The following CDKAL1 variants were observed in gnomAD, a reference collection of about 807,000 sequenced individuals.
The protein encoded by CDKAL1 is CDKAL1 threonylcarbamoyladenosine tRNA methylthiotransferase, also known as threonylcarbamoyladenosine tRNA methylthiotransferase.
CDKAL1 carries 32 observed loss-of-function variants against 68.2 expected under a neutral mutation model. The ratio of observed to expected loss-of-function variants is 0.47; its 90% CI spans 0.35 to 0.63. The LOEUF (loss-of-function observed/expected upper bound fraction) is 0.63, where lower values mean the gene tolerates loss of function less well. Ranked by LOEUF, CDKAL1 falls within the 30% of genes least tolerant of loss-of-function variation. The pLI is 0.00. For missense variants in CDKAL1, 606 were observed against 696.7 expected, an observed-to-expected ratio of 0.87 and a Z score of 1.47; for synonymous variants, 234 against 244.3, an observed-to-expected ratio of 0.96 and a Z score of 0.39.
chr6:20,537,849 A>G (rs1292094684), intron 2 of CDKAL1, among the ~76,000 whole-genome samples: 17 of 150,480 alleles, frequency 1.1e-4, no homozygotes, highest in Admixed American at 4.7e-4. Flanking sequence ...TCATTTCCAT[A>G]TGATTTAATT....
intron 7 of CDKAL1, among the ~76,000 whole-genome samples, chr6:20,765,145 C>CTTTTT (rs573930548): frequency 1.0e-4 from 3 of 28,890 alleles, no homozygotes; most frequent in African/African-American, 3.2e-4. Context: ...TGGTTACATT[C>CTTTTT]TTTTTTTTTT....
intron 12 of CDKAL1, among the ~76,000 whole-genome samples, chr6:21,070,169 G>A (rs975534483): frequency 6.6e-6 from 1 of 152,084 alleles, no homozygotes; most frequent in African/African-American, 2.4e-5. Context: ...TGTACTTGCT[G>A]ATCGTTTGGT....
At chr6:20,992,814 A>G (rs1444886466) in intron 10 of CDKAL1, among the ~76,000 whole-genome samples, 1 of 151,738 alleles carries the variant, frequency 6.6e-6, no homozygotes, top group African/African-American at 2.4e-5. Context: ...AGGTGGGAGG[A>G]TCACTTGAGG....
At chr6:21,025,689 T>A (rs1768915052) in intron 11 of CDKAL1, among the ~76,000 whole-genome samples, 2 of 152,146 alleles carry the variant, frequency 1.3e-5, no homozygotes, top group African/African-American at 4.8e-5. Context: ...TTATTCTCTT[T>A]GAAATAAATA....
chr6:21,194,424 A>T (rs1778385591), intron 13 of CDKAL1, among the ~76,000 whole-genome samples: 1 of 152,258 alleles, frequency 6.6e-6, no homozygotes, highest in East Asian at 1.9e-4. Context: ...GAGTCTCTTT[A>T]AGACAAATTC....
chr6:20,641,256 G>A (rs1768159762), intron 4 of CDKAL1, among the ~76,000 whole-genome samples: 1 of 152,030 alleles, frequency 6.6e-6, no homozygotes, highest in Non-Finnish European at 1.5e-5. Context: ...TGTATGGAAA[G>A]GGAAACTTAA....
intron 5 of CDKAL1, among the ~76,000 whole-genome samples, chr6:20,675,899 C>T (rs1192157288): frequency 6.6e-6 from 1 of 152,056 alleles, no homozygotes; most frequent in African/African-American, 2.4e-5. Flanking sequence ...TGTATTATTG[C>T]CCCTGAAAGT....
chr6:20,786,373 C>T (rs1775672252), intron 8 of CDKAL1, among the ~76,000 whole-genome samples: 1 of 151,952 alleles, frequency 6.6e-6, no homozygotes, highest in African/African-American at 2.4e-5. Flanking sequence ...AAAAAGTCAA[C>T]CAAATGTTAT....
At chr6:21,186,657 T>A (rs1356461113) in intron 13 of CDKAL1, among the ~76,000 whole-genome samples, 2 of 152,222 alleles carry the variant, frequency 1.3e-5, no homozygotes, top group African/African-American at 4.8e-5. Context: ...ATTTTGCTAT[T>A]CAAAATTCCT....
chr6:21,166,246 A>G (rs1398844104), intron 13 of CDKAL1, among the ~76,000 whole-genome samples: 5 of 152,178 alleles, frequency 3.3e-5, no homozygotes, highest in African/African-American at 7.2e-5. Flanking sequence ...GTTTTTCACT[A>G]TTACCAGAAA....
intron 8 of CDKAL1, among the ~76,000 whole-genome samples, chr6:20,786,997 T>C (rs1326499990): frequency 1.3e-5 from 2 of 152,214 alleles, no homozygotes; most frequent in Admixed American, 6.5e-5. Flanking sequence ...TAGATGCTGC[T>C]TAACAGTTCT....
chr6:20,750,821 G>A (rs9350279), intron 6 of CDKAL1, among the ~76,000 whole-genome samples: 44,052 of 151,336 alleles, frequency 0.29, 7,298 homozygotes, highest in South Asian at 0.37. Flanking sequence ...AAAATTAGCC[G>A]GGTGTGGTGG....
chr6:21,077,668 G>A (rs917508374), intron 12 of CDKAL1, among the ~76,000 whole-genome samples: 38 of 152,160 alleles, frequency 2.5e-4, no homozygotes, highest in African/African-American at 7.2e-4. Flanking sequence ...GTGAGAACTC[G>A]CTCGCTATCA....
chr6:20,948,263 G>A (rs989907090), intron 9 of CDKAL1, among the ~76,000 whole-genome samples: 18 of 151,848 alleles, frequency 1.2e-4, no homozygotes, highest in African/African-American at 2.9e-4. Flanking sequence ...GGAATCCTTT[G>A]TGCCTTGGCC....
intron 10 of CDKAL1, among the ~76,000 whole-genome samples, chr6:20,991,972 T>G (rs1021333213): frequency 6.6e-6 from 1 of 150,508 alleles, no homozygotes; most frequent in African/African-American, 2.4e-5. Context: ...TCTCTTCATT[T>G]TAAGAGATTC....
At chr6:20,709,193 G>C (rs1771734483) in intron 5 of CDKAL1, among the ~76,000 whole-genome samples, 1 of 152,086 alleles carries the variant, frequency 6.6e-6, no homozygotes, top group Admixed American at 6.6e-5. Context: ...TTTAGGGAGA[G>C]TCTTGAAGTT....
chr6:20,993,042 T>A (rs770471008), intron 10 of CDKAL1, among the ~76,000 whole-genome samples: 28 of 152,062 alleles, frequency 1.8e-4, no homozygotes, highest in Non-Finnish European at 3.5e-4. Flanking sequence ...AATAGGCAAA[T>A]CTGTAGAGTT....
chr6:21,115,701 C>G (rs1361822992), intron 13 of CDKAL1, among the ~76,000 whole-genome samples: 1 of 152,152 alleles, frequency 6.6e-6, no homozygotes, highest in Non-Finnish European at 1.5e-5. Context: ...GATACATGTC[C>G]TTATACGAAA....
At chr6:21,136,199 G>A (rs932586413) in intron 13 of CDKAL1, among the ~76,000 whole-genome samples, 1 of 152,154 alleles carries the variant, frequency 6.6e-6, no homozygotes, top group Admixed American at 6.5e-5. Flanking sequence ...CTTATACCTA[G>A]TGTCATAGCA....
Sources: allele counts gnomAD v4.1 joint callset (sites outside exome capture counted in the v4.1 genomes callset), GRCh38; gene constraint gnomAD v4.1.1; transcripts MANE v1.5; gene names NCBI Gene and HGNC (gene_info 2026-07-23, HGNC 2026-07-21).